The following NRXN1 variants were observed in gnomAD, a reference collection of about 807,000 sequenced individuals.
NRXN1 encodes the protein neurexin-1.
Under a neutral mutation model 150.9 loss-of-function variants are expected in NRXN1, and 39 were observed. That is an observed-to-expected ratio of 0.26 (90% CI 0.20 to 0.34). The LOEUF is 0.34. Ranked by LOEUF, NRXN1 falls within the 10% of genes least tolerant of loss-of-function variation. The pLI is 1.00. For synonymous variants in NRXN1, 924 were observed against 757.0 expected (o/e 1.22, Z -3.62); for missense variants, 1,815 against 1,949.9 (o/e 0.93, Z 1.30).
At chr2:50,394,612 G>A (rs1387655676) in intron 17 of NRXN1, among the ~76,000 whole-genome samples, 2 of 151,934 alleles carry the variant, frequency 1.3e-5, no homozygotes, top group Admixed American at 6.6e-5. Context: ...TTTTGTGGAC[G>A]CCTGCTACAG....
chr2:50,395,169 A>T (rs1405574938), intron 17 of NRXN1, among the ~76,000 whole-genome samples: 1 of 151,870 alleles, frequency 6.6e-6, no homozygotes, highest in African/African-American at 2.4e-5. Flanking sequence ...CTAGGAGGAT[A>T]AGAATTCTAT....
At chr2:50,163,880 C>G (rs1041298148) in intron 18 of NRXN1, among the ~76,000 whole-genome samples, 1 of 152,154 alleles carries the variant, frequency 6.6e-6, no homozygotes, top group Non-Finnish European at 1.5e-5. Flanking sequence ...GAGGAGACAT[C>G]TATACTTTAT....
chr2:50,829,717 G>A (rs769424272), intron 5 of NRXN1: 183 of 1,595,220 alleles, frequency 1.1e-4, no homozygotes, highest in South Asian at 3.3e-4. Context: ...CCCAGAGCTC[G>A]CCCACGGTTG....
At position 50,228,923 on chromosome 2, in the gene NRXN1, G is replaced by A. The variant is rs544316521; in HGVS notation, c.3546+7866C>T. On this transcript the variant is annotated intron_variant, in intron 18 of 22. Coordinates refer to ENST00000401669, the MANE Select transcript of NRXN1 (RefSeq NM_001330078.2). ...TCCAGTTTGTTTTGAGGAGGAGAGAGGCCTCCTCTGTGTTGTCGATATAAG... is the reference window on the plus strand; with the variant it reads ...TCCAGTTTGTTTTGAGGAGGAGAGAAGCCTCCTCTGTGTTGTCGATATAAG... 7.2e-5 allele frequency among the ~76,000 whole-genome samples: 11 copies of A among 151,922 alleles called. No individual in the cohort carries two copies. In the South Asian group the frequency reaches 2.1e-3, roughly 29 times the overall value.
chr2:50,682,661 T>C (rs925798915), intron 5 of NRXN1, among the ~76,000 whole-genome samples: 4 of 152,122 alleles, frequency 2.6e-5, no homozygotes, highest in Admixed American at 2.0e-4. Context: ...TATCAGAAGA[T>C]AAAACCATCA....
At chr2:50,322,573 T>C (rs1176169712) in intron 17 of NRXN1, among the ~76,000 whole-genome samples, 1 of 152,212 alleles carries the variant, frequency 6.6e-6, no homozygotes, top group Non-Finnish European at 1.5e-5. Flanking sequence ...AATCTATCAC[T>C]AGATTGGCTA....
chr2:50,131,969 T>C (rs1705572599), intron 18 of NRXN1, among the ~76,000 whole-genome samples: 1 of 152,072 alleles, frequency 6.6e-6, no homozygotes, highest in Admixed American at 6.6e-5. Flanking sequence ...TTTCAGTGAG[T>C]GTGTGCGTGT....
intron 17 of NRXN1, among the ~76,000 whole-genome samples, chr2:50,398,737 A>C (rs1349515223): frequency 6.6e-6 from 1 of 152,126 alleles, no homozygotes; most frequent in Non-Finnish European, 1.5e-5. Context: ...GCTGGCTCAA[A>C]AAAGTAATCA....
chr2:50,874,051 A>T (rs143289768), intron 5 of NRXN1, among the ~76,000 whole-genome samples: 26 of 152,022 alleles, frequency 1.7e-4, no homozygotes, highest in African/African-American at 6.0e-4. Flanking sequence ...ACAACGTAGT[A>T]TTTTGGCACA....
At chr2:50,957,963 T>G (rs1257071615) in intron 2 of NRXN1, among the ~76,000 whole-genome samples, 1 of 152,176 alleles carries the variant, frequency 6.6e-6, no homozygotes, top group African/African-American at 2.4e-5. Context: ...GTTAGCTTTT[T>G]TTGTAGTGGA....
rs1038939308 is a variant in NRXN1, at chr2:50,012,804, A to AT, written c.4128+40466dup. Reference sequence around the variant, plus strand: ...ACACTACAGTGAATGGGAAAAGTCCATTTTTTTTATAATGTAGTTTTCATT... The same window carrying AT: ...ACACTACAGTGAATGGGAAAAGTCCATTTTTTTTTATAATGTAGTTTTCATT... On this transcript the variant is annotated intron_variant, in intron 21 of 22. Transcript: ENST00000401669. 5.9e-5 allele frequency among the ~76,000 whole-genome samples: 9 copies of AT among 152,078 alleles called. No homozygotes were observed. In the East Asian group the frequency reaches 9.7e-4, roughly 16 times the overall value.
At chr2:50,369,810 T>C (rs2079878568) in intron 17 of NRXN1, among the ~76,000 whole-genome samples, 1 of 151,982 alleles carries the variant, frequency 6.6e-6, no homozygotes. Flanking sequence ...TTTCTGAATG[T>C]ACGGAGACTG....
intron 22 of NRXN1, among the ~76,000 whole-genome samples, chr2:49,929,661 T>A (rs1669779311): frequency 6.6e-6 from 1 of 152,204 alleles, no homozygotes; most frequent in Admixed American, 6.5e-5. Flanking sequence ...ACCTTTTATC[T>A]CCTGCCTGTT....
chr2:50,848,744 T>C (rs1347947528), intron 5 of NRXN1, among the ~76,000 whole-genome samples: 1 of 152,152 alleles, frequency 6.6e-6, no homozygotes, highest in Non-Finnish European at 1.5e-5. Context: ...ACACCAAGAC[T>C]GGTCTTTGGA....
chr2:50,268,734 C>A (rs1347973629), intron 17 of NRXN1, among the ~76,000 whole-genome samples: 1 of 152,134 alleles, frequency 6.6e-6, no homozygotes, highest in Non-Finnish European at 1.5e-5. Flanking sequence ...TTCGTGTTAT[C>A]TTTGTCTTAC....
At chr2:50,842,236 A>C (rs1247022165) in intron 5 of NRXN1, among the ~76,000 whole-genome samples, 2 of 152,144 alleles carry the variant, frequency 1.3e-5, no homozygotes. Flanking sequence ...TGGCTTTTCT[A>C]TTACTATTTA....
intron 21 of NRXN1, among the ~76,000 whole-genome samples, chr2:50,027,120 G>T (rs1688457006): frequency 6.6e-6 from 1 of 151,828 alleles, no homozygotes; most frequent in Non-Finnish European, 1.5e-5. Context: ...CTGACCTCAT[G>T]ATCCACCCAA....
chr2:50,211,928 T>A (rs1385271514), intron 18 of NRXN1, among the ~76,000 whole-genome samples: 1 of 151,672 alleles, frequency 6.6e-6, no homozygotes, highest in Non-Finnish European at 1.5e-5. Flanking sequence ...TGCTGTAATG[T>A]ACTCTACACA....
At chr2:50,758,499 T>A (rs1430919255) in intron 5 of NRXN1, among the ~76,000 whole-genome samples, 1 of 151,854 alleles carries the variant, frequency 6.6e-6, no homozygotes, top group Non-Finnish European at 1.5e-5. Context: ...AACAAAATGA[T>A]GTTTCGCTGT....
Sources: gnomAD v4.1 joint callset for allele counts (sites outside exome capture counted in the v4.1 genomes callset) on GRCh38, gnomAD v4.1.1 for gene constraint, MANE v1.5 for transcripts, NCBI Gene and HGNC (gene_info 2026-07-23, HGNC 2026-07-21) for gene names.